MAGI2: variants seen among roughly 807,000 people sequenced by gnomAD.
MAGI2 encodes the protein membrane associated guanylate kinase, WW and PDZ domain containing 2.
Under a neutral mutation model 133.3 loss-of-function variants are expected in MAGI2, and 35 were observed. The observed-to-expected ratio is 0.26, with a 90% confidence interval of 0.20 to 0.35. The LOEUF is 0.35. Among genes scored for constraint, MAGI2 ranks in the 10% least tolerant of loss-of-function variants. The pLI is 1.00. For missense variants in MAGI2, 1,636 were observed against 1,863.4 expected (o/e 0.88, Z 2.25); for synonymous variants, 729 against 710.6 (o/e 1.03, Z -0.41).
chr7:79,031,391 G>A (rs935513207), intron 1 of MAGI2, among the ~76,000 whole-genome samples: 1 of 152,150 alleles, frequency 6.6e-6, no homozygotes, highest in Non-Finnish European at 1.5e-5. Context: ...CAAATGAAAT[G>A]GATGAAATAC....
intron 9 of MAGI2, among the ~76,000 whole-genome samples, chr7:78,265,406 C>T (rs1041215167): frequency 2.0e-5 from 3 of 152,154 alleles, no homozygotes; most frequent in Non-Finnish European, 2.9e-5. Context: ...AGCTTGCTCA[C>T]GTTGGGAATT....
intron 2 of MAGI2, among the ~76,000 whole-genome samples, chr7:78,686,560 G>GAAAAA (rs5885089): frequency 7.3e-6 from 1 of 136,580 alleles, no homozygotes. Flanking sequence ...GAGGAAAGTG[G>GAAAAA]AAAAAAAAAA....
At chr7:78,715,253 T>C (rs1161675563) in intron 2 of MAGI2, among the ~76,000 whole-genome samples, 1 of 152,118 alleles carries the variant, frequency 6.6e-6, no homozygotes, top group Non-Finnish European at 1.5e-5. Flanking sequence ...CTCAGTAACA[T>C]AAAGTAGAAA....
chr7:79,392,089 A>C (rs1844700981), intron 1 of MAGI2, among the ~76,000 whole-genome samples: 1 of 152,008 alleles, frequency 6.6e-6, no homozygotes, highest in African/African-American at 2.4e-5. Flanking sequence ...GCTACCACTT[A>C]TGAGTAAGAA....
At chr7:79,171,072 A>G (rs540100270) in intron 1 of MAGI2, among the ~76,000 whole-genome samples, 8 of 152,252 alleles carry the variant, frequency 5.3e-5, no homozygotes, top group African/African-American at 1.7e-4. Context: ...ATTGGAAGCT[A>G]TATTAGTTTG....
chr7:78,058,738 T>C (rs1221408782), intron 21 of MAGI2, among the ~76,000 whole-genome samples: 1 of 152,186 alleles, frequency 6.6e-6, no homozygotes, highest in Non-Finnish European at 1.5e-5. Context: ...ACTCTCCATG[T>C]AAGCATTAAA....
chr7:79,129,742 T>C (rs912231580), intron 1 of MAGI2, among the ~76,000 whole-genome samples: 2 of 152,080 alleles, frequency 1.3e-5, no homozygotes, highest in African/African-American at 4.8e-5. Flanking sequence ...ACCAAAGATA[T>C]TATAGTATTA....
At chr7:79,347,344 C>T (rs1841395340) in intron 1 of MAGI2, among the ~76,000 whole-genome samples, 1 of 151,712 alleles carries the variant, frequency 6.6e-6, no homozygotes, top group Non-Finnish European at 1.5e-5. Flanking sequence ...CTTCATTTCC[C>T]CTCAATCCTG....
At chr7:78,888,674 T>G (rs1394823727) in intron 2 of MAGI2, among the ~76,000 whole-genome samples, 1 of 152,222 alleles carries the variant, frequency 6.6e-6, no homozygotes, top group African/African-American at 2.4e-5. Context: ...GGGTCATGAC[T>G]GTTAGAAGGA....
intron 1 of MAGI2, among the ~76,000 whole-genome samples, chr7:79,173,742 G>A (rs1036334280): frequency 1.3e-5 from 2 of 152,010 alleles, no homozygotes; most frequent in Admixed American, 6.6e-5. Flanking sequence ...ATGAGGAAGG[G>A]ACCTGTTCTA....
intron 1 of MAGI2, among the ~76,000 whole-genome samples, chr7:79,352,970 TTTAAC>T (rs1452788839): frequency 1.3e-5 from 2 of 152,134 alleles, no homozygotes; most frequent in African/African-American, 2.4e-5. Context: ...CTTTACGTAC[TTTAAC>T]TTATTTCATC....
intron 3 of MAGI2, among the ~76,000 whole-genome samples, chr7:78,572,498 C>G (rs969373410): frequency 2.0e-5 from 3 of 152,014 alleles, no homozygotes; most frequent in African/African-American, 7.2e-5. Flanking sequence ...AGAACTTTCC[C>G]TCCCTGACTC....
chr7:79,097,473 C>T (rs1817617818), intron 1 of MAGI2, among the ~76,000 whole-genome samples: 1 of 152,120 alleles, frequency 6.6e-6, no homozygotes, highest in African/African-American at 2.4e-5. Context: ...TGGAGGATCA[C>T]ATAAATCCAC....
intron 2 of MAGI2, among the ~76,000 whole-genome samples, chr7:78,653,199 A>G (rs1378011134): frequency 6.6e-6 from 1 of 152,250 alleles, no homozygotes; most frequent in East Asian, 1.9e-4. Flanking sequence ...AGTGTAAATT[A>G]GTTCAACCAT....
chr7:78,643,901 T>C (rs1296544000), intron 2 of MAGI2, among the ~76,000 whole-genome samples: 2 of 151,926 alleles, frequency 1.3e-5, no homozygotes, highest in Admixed American at 6.6e-5. Flanking sequence ...AAATGGATCA[T>C]CCATTTAAAA....
intron 2 of MAGI2, among the ~76,000 whole-genome samples, chr7:78,845,368 A>G (rs1792501378): frequency 6.6e-6 from 1 of 151,954 alleles, no homozygotes; most frequent in Admixed American, 6.6e-5. Flanking sequence ...TAGTGAAAGA[A>G]TCAATAGTAG....
chr7:78,729,933 G>C (rs1317945962), intron 2 of MAGI2, among the ~76,000 whole-genome samples: 1 of 152,044 alleles, frequency 6.6e-6, no homozygotes, highest in African/African-American at 2.4e-5. Context: ...ATAAAATTTA[G>C]AACTTCTGAG....
intron 6 of MAGI2, among the ~76,000 whole-genome samples, chr7:78,387,765 A>G (rs552533794): frequency 3.9e-5 from 6 of 152,046 alleles, no homozygotes; most frequent in Non-Finnish European, 8.8e-5. Context: ...CATCTCTATA[A>G]AAAATACAAA....
chr7:78,020,082 G>A lies in MAGI2; in HGVS notation c.3707-106C>T, dbSNP rs1808210891. The stretch of plus-strand genomic sequence containing the variant: ...GCAGCTGGGGCGATTGCTCTCAGGG[G>A]CCGGAGCCACCGCCGCCCCCACCCC... On this transcript the variant is annotated intron_variant, in intron 21 of 21. Transcript: ENST00000354212. 10 of 1,034,060 alleles carry A rather than the reference G, an allele frequency of 9.7e-6. No homozygotes were observed. The East Asian group carries it at 2.4e-4, about 25-fold the overall frequency. 64.1% of individuals were successfully genotyped at this position (1,034,060 alleles called of 1,614,324 possible).
Sources: gnomAD v4.1 joint callset for allele counts (sites outside exome capture counted in the v4.1 genomes callset) on GRCh38, gnomAD v4.1.1 for gene constraint, MANE v1.5 for transcripts, NCBI Gene and HGNC (gene_info 2026-07-23, HGNC 2026-07-21) for gene names.